The following TMOD2 variants were observed in gnomAD, a reference collection of about 807,000 sequenced individuals.
TMOD2 encodes tropomodulin 2.
TMOD2 carries 22 observed loss-of-function variants against 39.9 expected under a neutral mutation model. The observed-to-expected ratio is 0.55, with a 90% CI of 0.39 to 0.79. TMOD2 has a LOEUF of 0.79. Ranked by LOEUF, TMOD2 falls within the 30% of genes least tolerant of loss-of-function variation. The pLI is 0.00. For missense variants in TMOD2, 386 were observed against 413.3 expected (o/e 0.93, Z 0.57); for synonymous variants, 123 against 146.1 (o/e 0.84, Z 1.14).
chr15:51,787,515 C>T (rs944125884), intron 7 of TMOD2, among the ~76,000 whole-genome samples: 1 of 152,234 alleles, frequency 6.6e-6, no homozygotes, highest in African/African-American at 2.4e-5. Context: ...CCCAGCATGG[C>T]GTTCGAGCTC....
chr15:51,815,861 G>A lies in TMOD2; in HGVS notation c.*7407G>A, dbSNP rs900427845. The A allele has an allele frequency of 6.6e-6, 1 of 152,156 alleles. No homozygotes were observed. Among genetic ancestry groups the A allele is most frequent in the Non-Finnish European group, 1.5e-5 (1 of 68,026 alleles). The allele number at this position is 152,156 out of a possible 1,614,324, so 9.4% of individuals were successfully genotyped here. ...AGATGCCTGTAATGTGTGACTTTATGTGTGTCTGTGTTGTTTTGAAGAGAA... is the reference window on the plus strand; with the variant it reads ...AGATGCCTGTAATGTGTGACTTTATATGTGTCTGTGTTGTTTTGAAGAGAA... On this transcript the variant is annotated 3_prime_UTR_variant, in exon 10 of 10. Transcript: ENST00000249700.
chr15:51,765,796 G>A (rs1218818558), intron 1 of TMOD2, among the ~76,000 whole-genome samples: 1 of 152,196 alleles, frequency 6.6e-6, no homozygotes, highest in Non-Finnish European at 1.5e-5. Context: ...CATGTGGCCA[G>A]GATTTTAGAA....
At position 51,766,583 on chromosome 15, in the gene TMOD2, C is replaced by T. The variant is rs2055818115; in HGVS notation, c.126+16C>T. ...AGATCCTGAGGTTAGTGACATGGAA[C>T]TGAAGCAGAGTGGTTAATGATAGTA... On this transcript the variant is annotated intron_variant, in intron 2 of 9. Transcript: ENST00000249700. 2.5e-6 allele frequency: 4 copies of T among 1,612,530 alleles called. No individual in the cohort carries two copies. Among genetic ancestry groups the T allele is most frequent in the Non-Finnish European group, 3.4e-6 (4 of 1,179,238 alleles).
chr15:51,763,546 A>G (rs901977688), intron 1 of TMOD2, among the ~76,000 whole-genome samples: 3 of 152,186 alleles, frequency 2.0e-5, no homozygotes, highest in Non-Finnish European at 4.4e-5. Context: ...CTAAAACTAA[A>G]AGCCATTGAA....
At chr15:51,801,428 C>T (rs1303799826) in intron 8 of TMOD2, among the ~76,000 whole-genome samples, 2 of 152,164 alleles carry the variant, frequency 1.3e-5, no homozygotes, top group African/African-American at 4.8e-5. Flanking sequence ...GACTCATAGA[C>T]TGTTAGAAGT....
chr15:51,805,162 G>A (rs1468530596), intron 8 of TMOD2, among the ~76,000 whole-genome samples: 1 of 151,282 alleles, frequency 6.6e-6, no homozygotes, highest in Non-Finnish European at 1.5e-5. Context: ...GTTTCACCAT[G>A]TTGCCCGGGC....
chr15:51,790,648 T>G (rs998977660), intron 7 of TMOD2, among the ~76,000 whole-genome samples: 1 of 152,170 alleles, frequency 6.6e-6, no homozygotes, highest in Non-Finnish European at 1.5e-5. Flanking sequence ...TCAAAAAGCT[T>G]ATCCACTATG....
In TMOD2 at chr15:51,773,703, G is replaced by T. The variant is rs1222175536; in HGVS notation, c.284-9G>T. The stretch of plus-strand genomic sequence containing the variant: ...TACTCAATATTTTTGTTTTTCTTCT[G>T]ATTTAAAGGGAGAGTCTTTATCCCT... On this transcript the variant is annotated splice_polypyrimidine_tract_variant and intron_variant, in intron 3 of 9. Coordinates refer to ENST00000249700, the MANE Select transcript of TMOD2 (RefSeq NM_014548.4). 3 of 1,596,716 alleles carry T rather than the reference G, an allele frequency of 1.9e-6. No homozygotes were observed. Among genetic ancestry groups the T allele is most frequent in the African/African-American group, 2.7e-5 (2 of 73,500 alleles).
At chr15:51,757,743 TG>T (rs1186952070) in intron 1 of TMOD2, among the ~76,000 whole-genome samples, 1 of 152,150 alleles carries the variant, frequency 6.6e-6, no homozygotes, top group Non-Finnish European at 1.5e-5. Context: ...TGGGAGCCCT[TG>T]GGCAGCCTTG....
chr15:51,788,542 G>T (rs372235297), intron 7 of TMOD2, among the ~76,000 whole-genome samples: 37 of 152,222 alleles, frequency 2.4e-4, no homozygotes, highest in African/African-American at 8.7e-4. Context: ...GATACTCCTC[G>T]AGAAGAGCAA....
At chr15:51,800,787 T>A (rs770819232) in intron 8 of TMOD2, among the ~76,000 whole-genome samples, 4 of 152,152 alleles carry the variant, frequency 2.6e-5, no homozygotes, top group Non-Finnish European at 5.9e-5. Context: ...CTCACTGCAA[T>A]CTCCACCTCT....
intron 7 of TMOD2, among the ~76,000 whole-genome samples, chr15:51,794,176 A>G (rs1343776145): frequency 2.6e-5 from 4 of 152,196 alleles, no homozygotes; most frequent in African/African-American, 9.7e-5. Context: ...CAGAGGCCAG[A>G]GATACTACTA....
chr15:51,785,643 G>T (rs1053302832), intron 7 of TMOD2, among the ~76,000 whole-genome samples: 2 of 152,100 alleles, frequency 1.3e-5, no homozygotes, highest in East Asian at 1.9e-4. Flanking sequence ...TGGAGGTAAA[G>T]AGTAGAATGG....
intron 3 of TMOD2, among the ~76,000 whole-genome samples, chr15:51,769,506 C>T (rs1010183335): frequency 6.6e-6 from 1 of 152,156 alleles, no homozygotes; most frequent in Admixed American, 6.5e-5. Context: ...AACAGGATGA[C>T]AGAGCTAGGA....
At position 51,780,925 on chromosome 15, in the gene TMOD2, C is replaced by A; in HGVS notation, c.494-119C>A. 4 of 764,048 alleles carry A rather than the reference C, an allele frequency of 5.2e-6. No homozygotes were observed. In the South Asian group the frequency reaches 5.7e-5, roughly 11 times the overall value. The allele number at this position is 764,048 out of a possible 1,614,324, so 47.3% of individuals were successfully genotyped here. Reference sequence around the variant, plus strand: ...GCTTAGCTGAGAATACACCTACTGTCATTGCTATTAAAGTGTTATTGGAAT... The same window carrying A: ...GCTTAGCTGAGAATACACCTACTGTAATTGCTATTAAAGTGTTATTGGAAT... On this transcript the variant is annotated intron_variant, in intron 5 of 9. Transcript: ENST00000249700.
chr15:51,763,529 A>G (rs1230969654), intron 1 of TMOD2, among the ~76,000 whole-genome samples: 1 of 152,230 alleles, frequency 6.6e-6, no homozygotes, highest in African/African-American at 2.4e-5. Flanking sequence ...TCTGTAAAAA[A>G]ACAAAACTAA....
At position 51,812,075 on chromosome 15, in the gene TMOD2, A is replaced by C. The variant is rs972894326; in HGVS notation, c.*3621A>C. The stretch of plus-strand genomic sequence containing the variant: ...AATGGGGTATTTGGCTTCATCTGGA[A>C]AATTGACTGGAGGGAGATGCTGTCT... On this transcript the variant is annotated 3_prime_UTR_variant, in exon 10 of 10. Transcript: ENST00000249700. The C allele has an allele frequency of 1.3e-5, 2 of 151,282 alleles. No individual in the cohort carries two copies. The highest frequency in any genetic ancestry group is 4.9e-5 in the African/African-American group (2 of 41,086). 9.4% of individuals were successfully genotyped at this position (151,282 alleles called of 1,614,324 possible). A position where few individuals can be genotyped will look rare whatever the true frequency, so the allele number is the denominator to read the frequency against.
At chr15:51,807,662 C>T (rs573815638) in intron 9 of TMOD2, among the ~76,000 whole-genome samples, 1 of 152,258 alleles carries the variant, frequency 6.6e-6, no homozygotes, top group Admixed American at 6.5e-5. Context: ...AGCCTACGTC[C>T]AAGAAGCAGC....
chr15:51,781,806 G>GAA (rs1182639291), intron 6 of TMOD2, among the ~76,000 whole-genome samples: 1 of 113,204 alleles, frequency 8.8e-6, no homozygotes, highest in Non-Finnish European at 1.9e-5. Flanking sequence ...AAGAGTAGGA[G>GAA]AGAGAGAGAG....
Sources: gnomAD v4.1 joint callset for allele counts (sites outside exome capture counted in the v4.1 genomes callset) on GRCh38, gnomAD v4.1.1 for gene constraint, MANE v1.5 for transcripts, NCBI Gene and HGNC (gene_info 2026-07-23, HGNC 2026-07-21) for gene names.